RIC1: variants seen among roughly 807,000 people sequenced by gnomAD.
RIC1 encodes guanine nucleotide exchange factor subunit RIC1.
A neutral mutation model predicts 169.0 loss-of-function variants in RIC1; 88 were observed. That is an observed-to-expected ratio of 0.52 (90% CI 0.44 to 0.62). RIC1 has a LOEUF of 0.62. Ranked by LOEUF, RIC1 falls within the 20% of genes least tolerant of loss-of-function variation. The pLI is 0.00. For synonymous variants in RIC1, 790 were observed against 601.5 expected, an observed-to-expected ratio of 1.31 and a Z score of -4.59; for missense variants, 1,877 against 1,725.5, an observed-to-expected ratio of 1.09 and a Z score of -1.56.
chr9:5,714,065 C>T, intron 4 of RIC1, 62 bp downstream of exon 4: 2 of 1,017,316 alleles, frequency 2.0e-6, no homozygotes, highest in Non-Finnish European at 2.9e-6. Context: ...GTTCGTAAAT[C>T]CCATGACCAA....
At chr9:5,778,121 C>A (rs575462856), downstream of RIC1, among the ~76,000 whole-genome samples, 1 of 152,194 alleles carries the variant, frequency 6.6e-6, no homozygotes, top group African/African-American at 2.4e-5. Context: ...TTTTTAATGT[C>A]TTTTAACAGT....
In RIC1 at chr9:5,745,989, C is replaced by T. The variant is rs1348440053; in HGVS notation, c.1154C>T (p.Thr385Ile). The change falls in exon 11 of 26, where the codon ACT (threonine) becomes ATT (isoleucine). Residue 385 changes from threonine to isoleucine, a missense_variant. This residue lies in a region of RIC1 where 1,104 missense variants were observed against 992.0 expected (regional missense o/e 1.11). Transcript: ENST00000414202. ...WVISGFGSQN[T>I]EIESDLRSVV... ...ATCAGCGGATTTGGTTCTCAAAACA[C>T]TGAAATTGAGTCTGACCTCAGGAGT... 2 of 1,613,552 alleles carry T rather than the reference C, an allele frequency of 1.2e-6. No individual in the cohort carries two copies. Among genetic ancestry groups the T allele is most frequent in the African/African-American group, 2.7e-5 (2 of 74,888 alleles).
intron 1 of RIC1, among the ~76,000 whole-genome samples, chr9:5,643,433 A>G (rs1005113565): frequency 6.6e-6 from 1 of 152,180 alleles, no homozygotes; most frequent in Non-Finnish European, 1.5e-5. Context: ...GTTTGAGCCT[A>G]GGAGGTTGAG....
intron 1 of RIC1, among the ~76,000 whole-genome samples, chr9:5,643,230 C>T (rs1386480250): frequency 6.6e-6 from 1 of 152,140 alleles, no homozygotes; most frequent in Non-Finnish European, 1.5e-5. Context: ...TTGTTTGAGC[C>T]TGGGATGTCT....
intron 3 of RIC1, among the ~76,000 whole-genome samples, chr9:5,705,455 GTA>G (rs1554670036): frequency 6.6e-6 from 1 of 151,928 alleles, no homozygotes; most frequent in Non-Finnish European, 1.5e-5. Flanking sequence ...TATTGCTAGC[GTA>G]GAGAAATATA....
chr9:5,753,653 C>CT lies in RIC1; in HGVS notation c.1602+13dup. 4 of 1,430,096 alleles carry CT rather than the reference C, an allele frequency of 2.8e-6. No individual in the cohort carries two copies. Among genetic ancestry groups the CT allele is most frequent in the South Asian group, 1.2e-5 (1 of 82,302 alleles). 88.6% of individuals were successfully genotyped at this position (1,430,096 alleles called of 1,614,324 possible). ...TTTTGGAAACATTACCCAGGTTAGT[C>CT]TTTTTTGAGATTAAAAACCTATTTC... On this transcript the variant is annotated splice_region_variant and intron_variant, in intron 14 of 25. Coordinates refer to ENST00000414202, the MANE Select transcript of RIC1 (RefSeq NM_020829.4).
At chr9:5,738,838 A>G (rs563283219) in intron 8 of RIC1, among the ~76,000 whole-genome samples, 7 of 151,966 alleles carry the variant, frequency 4.6e-5, no homozygotes, top group Admixed American at 2.0e-4. Flanking sequence ...TAATTAGCCA[A>G]TGCCCAAGTT....
Position 5,763,300 on chromosome 9 carries a change from G to T in RIC1, c.2273G>T (p.Arg758Leu), listed in dbSNP as rs781323863. The T allele has an allele frequency of 2.5e-6, 4 of 1,613,994 alleles. No homozygotes were observed. In the African/African-American group the frequency reaches 4.0e-5, roughly 16 times the overall value. ...CTCCCTCTCTTCCCTAGGGATCACCGCAAGCCCCATTCCTTCTTGTCCCAG... is the reference window on the plus strand; with the variant it reads ...CTCCCTCTCTTCCCTAGGGATCACCTCAAGCCCCATTCCTTCTTGTCCCAG... Reference protein sequence around the residue: ...VWLPLFPRDHRKPHSFLSQRI... With the variant: ...VWLPLFPRDHLKPHSFLSQRI... Residue 758 changes from arginine (R) to leucine (L), a missense_variant, in exon 19 of 26, where the codon CGC (arginine) becomes CTC (leucine). Arg to Leu is a moderately radical substitution (Grantham distance 102). Around this residue, in one of 3 missense-constraint regions of RIC1, gnomAD observed 1,104 missense variants for 992.0 expected, o/e 1.11. Transcript: ENST00000414202. The surrounding 1 kb of genome is among the most constrained non-coding windows in gnomAD (Gnocchi z 5.2).
In RIC1 at chr9:5,776,067, G is replaced by A. The variant is rs2131173285; in HGVS notation, c.*1821G>A. 6.6e-6 allele frequency: 1 copy of A among 152,262 alleles called. No homozygotes were observed. Among genetic ancestry groups the A allele is most frequent in the East Asian group, 1.9e-4 (1 of 5,188 alleles). The allele number at this position is 152,262 out of a possible 1,614,324, so 9.4% of individuals were successfully genotyped here. A position where few individuals can be genotyped will look rare whatever the true frequency, so the allele number is the denominator to read the frequency against. Reference sequence around the variant, plus strand: ...AAATGATTTACCATTATAAAGAGCTGTGATCTTTTCAAGTATCTGAAATAA... The same window carrying A: ...AAATGATTTACCATTATAAAGAGCTATGATCTTTTCAAGTATCTGAAATAA... On this transcript the variant is annotated 3_prime_UTR_variant, in exon 26 of 26. Coordinates refer to ENST00000414202, the MANE Select transcript of RIC1 (RefSeq NM_020829.4).
chr9:5,758,325 A>G (rs1242521254), intron 17 of RIC1, among the ~76,000 whole-genome samples: 1 of 152,120 alleles, frequency 6.6e-6, no homozygotes, highest in Non-Finnish European at 1.5e-5. Flanking sequence ...GTCAGAGGAA[A>G]ATTCTATGTG....
chr9:5,658,150 C>T (rs1289093258), intron 2 of RIC1, among the ~76,000 whole-genome samples: 2 of 152,066 alleles, frequency 1.3e-5, no homozygotes, highest in African/African-American at 4.8e-5. Flanking sequence ...ATACTCATGT[C>T]AAAAGAACCA....
At position 5,763,037 on chromosome 9, in the gene RIC1, T is replaced by A. The variant is rs1826441676; in HGVS notation, c.2113-103T>A. On this transcript the variant is annotated intron_variant, in intron 18 of 25. Transcript: ENST00000414202. This position sits in a 1 kb window ranked among gnomAD's most constrained non-coding sequence, Gnocchi z 5.2. ...GATCCCTTTGCTTTTCCCAAAAAAA[T>A]ATTATACTATCATTTGAAAGACTTA... 5.8e-6 allele frequency: 8 copies of A among 1,378,398 alleles called. No individual in the cohort carries two copies. The highest frequency in any genetic ancestry group is 2.6e-4 in the Middle Eastern group (1 of 3,840). The allele number at this position is 1,378,398 out of a possible 1,614,324, so 85.4% of individuals were successfully genotyped here. A position where few individuals can be genotyped will look rare whatever the true frequency, so the allele number is the denominator to read the frequency against.
At chr9:5,714,078 G>C in intron 4 of RIC1, 75 bp downstream of exon 4, 1 of 872,346 alleles carries the variant, frequency 1.1e-6, no homozygotes, top group Non-Finnish European at 1.8e-6. Context: ...ATGACCAACA[G>C]GAAAGTTAGT....
At chr9:5,727,412 G>A (rs991161621) in intron 6 of RIC1, among the ~76,000 whole-genome samples, 2 of 152,134 alleles carry the variant, frequency 1.3e-5, no homozygotes, top group African/African-American at 4.8e-5. Context: ...TCCTTGCTAC[G>A]CTGTTTATTC....
In RIC1 at chr9:5,770,089, G is replaced by A; in HGVS notation, c.3427G>A (p.Gly1143Arg). The stretch of plus-strand genomic sequence containing the variant: ...TTGTTTTCGGACCCACTCTGCAGTG[G>A]GAGAGCAGCTGTTAAAGTCTCAATC... Reference protein sequence around the residue: ...PFKNGKYRTVGEQLLKSQSAD... With the variant: ...PFKNGKYRTVREQLLKSQSAD... The change falls in exon 23 of 26, where the codon GGA becomes AGA. Residue 1143 changes from glycine (G) to arginine (R), a missense_variant and splice_region_variant. Gly to Arg is a moderately radical substitution (Grantham distance 125, BLOSUM62 -2). This residue lies in a region of RIC1 where 681 missense variants were observed against 582.0 expected (regional missense o/e 1.17). Coordinates refer to ENST00000414202, the MANE Select transcript of RIC1 (RefSeq NM_020829.4). 6.2e-7 allele frequency: 1 copy of A among 1,610,216 alleles called. No homozygotes were observed. The highest frequency in any genetic ancestry group is 8.5e-7 in the Non-Finnish European group (1 of 1,178,040).
chr9:5,744,243 C>G (rs1825252557), intron 10 of RIC1, among the ~76,000 whole-genome samples: 1 of 151,970 alleles, frequency 6.6e-6, no homozygotes, highest in Admixed American at 6.6e-5. Context: ...TATGTGTCTT[C>G]TCATGGCCTG....
At chr9:5,691,214 C>G (rs193114790) in intron 3 of RIC1, among the ~76,000 whole-genome samples, 3 of 151,808 alleles carry the variant, frequency 2.0e-5, no homozygotes, top group Non-Finnish European at 3.0e-5. Flanking sequence ...ACAAGTCACA[C>G]AAAATTATAT....
chr9:5,714,874 A>G lies in RIC1; in HGVS notation c.440+871A>G, dbSNP rs147282488. Among the ~76,000 whole-genome samples the G allele has an allele frequency of 2.4e-3, 370 of 152,262 alleles. 2 individuals carry two copies. Among genetic ancestry groups the G allele is most frequent in the African/African-American group, 8.5e-3 (352 of 41,566 alleles). ...GTGTACTCTTTTTTAATATTGAACT[A>G]TGTAAATGTATTGAATTATATGAAT... On this transcript the variant is annotated intron_variant, in intron 4 of 25. Coordinates refer to ENST00000414202, the MANE Select transcript of RIC1 (RefSeq NM_020829.4).
intron 3 of RIC1, among the ~76,000 whole-genome samples, chr9:5,695,893 A>G (rs2130743856): frequency 6.6e-6 from 1 of 152,130 alleles, no homozygotes; most frequent in East Asian, 1.9e-4. Context: ...TTAATGTCAG[A>G]TTCATGTCTA....
Sources: allele counts gnomAD v4.1 joint callset (sites outside exome capture counted in the v4.1 genomes callset), GRCh38; gene constraint gnomAD v4.1.1; regional missense constraint gnomAD v4.1.1; non-coding constraint Gnocchi (gnomAD v3.1); transcripts MANE v1.5; gene names NCBI Gene and HGNC (gene_info 2026-07-23, HGNC 2026-07-21).